OPRM1: variants seen among roughly 807,000 people sequenced by gnomAD.
OPRM1 encodes the protein mu-type opioid receptor.
A neutral mutation model predicts 31.8 loss-of-function variants in OPRM1; 27 were observed. The observed-to-expected ratio is 0.85, with a 90% CI of 0.63 to 1.17. The LOEUF (loss-of-function observed/expected upper bound fraction) is 1.17, where lower values mean the gene tolerates loss of function less well. OPRM1 is among the 50% of genes most tolerant of loss of function. The pLI is 0.00. For synonymous variants in OPRM1, 196 were observed against 189.9 expected (o/e 1.03, Z -0.26); for missense variants, 536 against 511.1 (o/e 1.05, Z -0.47).
chr6:154,132,984 G>A (rs914474346), downstream of OPRM1, among the ~76,000 whole-genome samples: 11 of 152,104 alleles, frequency 7.2e-5, no homozygotes, highest in Admixed American at 4.6e-4. Flanking sequence ...AGCCGGGCAT[G>A]GTGGCAGGCA....
chr6:154,210,137 T>C (rs1777847572), intron 3 of OPRM1, among the ~76,000 whole-genome samples: 1 of 152,210 alleles, frequency 6.6e-6, no homozygotes, highest in African/African-American at 2.4e-5. Flanking sequence ...GTTGCTTTTA[T>C]TTCACCAGGG....
At chr6:154,180,019 G>A (rs895218742) in intron 3 of OPRM1, among the ~76,000 whole-genome samples, 1 of 152,258 alleles carries the variant, frequency 6.6e-6, no homozygotes, top group East Asian at 1.9e-4. Flanking sequence ...TTCATGCAAT[G>A]CTAGCCTCAA....
intron 3 of OPRM1, among the ~76,000 whole-genome samples, chr6:154,220,058 G>A (rs1778739874): frequency 6.7e-6 from 1 of 148,874 alleles, no homozygotes; most frequent in Non-Finnish European, 1.5e-5. Context: ...AAAGGCAGTT[G>A]CTTTTTTTCT....
At position 154,121,880 on chromosome 6, in the gene OPRM1, G is replaced by C. The variant is rs753163585; in HGVS notation, c.*3159G>C. ...CTAAAAACAAGATCTTTTTGGTAAT[G>C]CTTCAATTAAATGTTTTATCTAAAT... On this transcript the variant is annotated 3_prime_UTR_variant, in exon 4 of 4. Coordinates refer to ENST00000330432, the MANE Select transcript of OPRM1 (RefSeq NM_000914.5). 6.6e-6 allele frequency among the ~76,000 whole-genome samples: 1 copy of C among 152,160 alleles called. No homozygotes were observed. The highest frequency in any genetic ancestry group is 1.5e-5 in the Non-Finnish European group (1 of 68,026).
chr6:154,231,059 A>C (rs1161879758), intron 3 of OPRM1, among the ~76,000 whole-genome samples: 1 of 152,194 alleles, frequency 6.6e-6, no homozygotes, highest in Middle Eastern at 3.2e-3. Flanking sequence ...GTTACTCCCC[A>C]AAACCCCCAG....
In OPRM1 at chr6:154,132,041, A is replaced by G. The variant is rs1467331488; in HGVS notation, c.*13320A>G. Among the ~76,000 whole-genome samples, 2 of 151,780 alleles carry G rather than the reference A, an allele frequency of 1.3e-5. No homozygotes were observed. The highest frequency in any genetic ancestry group is 2.9e-5 in the Non-Finnish European group (2 of 67,988). On this transcript the variant is annotated 3_prime_UTR_variant, in exon 4 of 4. Coordinates refer to ENST00000330432, the MANE Select transcript of OPRM1 (RefSeq NM_000914.5). ...CTTCATTTAAAGTAGAGACAAAGCT[A>G]CTATTTCACATTTCCAGGTAGGACA... is the stretch of plus-strand genomic sequence containing the variant.
Position 154,091,336 on chromosome 6 carries a change from A to G in OPRM1, c.1028A>G (p.Glu343Gly). The change falls in exon 3 of 4, where the codon GAA becomes GGA. Residue 343 changes from glutamate (E) to glycine (G), a missense_variant. Physicochemically the swap from Glu to Gly is moderately conservative, Grantham distance 98. Coordinates refer to ENST00000330432, the MANE Select transcript of OPRM1 (RefSeq NM_000914.5). ...CCAGTCCTTTATGCATTTCTGGATGAAAACTTCAAACGATGCTTCAGAGAG... is the reference window on the plus strand; with the variant it reads ...CCAGTCCTTTATGCATTTCTGGATGGAAACTTCAAACGATGCTTCAGAGAG... ...LNPVLYAFLD[E>G]NFKRCFREFC... 1 of 1,614,236 alleles carries G rather than the reference A, an allele frequency of 6.2e-7. No individual in the cohort carries two copies.
chr6:154,113,703 G>A (rs1026829365), intron 3 of OPRM1, among the ~76,000 whole-genome samples: 2 of 152,148 alleles, frequency 1.3e-5, no homozygotes, highest in Non-Finnish European at 2.9e-5. Context: ...GGACCAAGCA[G>A]GCCAACAGGA....
At chr6:154,034,197 T>C (rs1315431067), upstream of OPRM1, among the ~76,000 whole-genome samples, 1 of 152,242 alleles carries the variant, frequency 6.6e-6, no homozygotes, top group Non-Finnish European at 1.5e-5. Flanking sequence ...ATGTTGCCTG[T>C]TTGAGCTGTG....
intron 3 of OPRM1, chr6:154,108,289 G>A (rs1014331595): frequency 1.6e-5 from 5 of 315,612 alleles, no homozygotes; most frequent in African/African-American, 8.7e-5. Flanking sequence ...TCTTTAATCC[G>A]ACCTCTGACT....
chr6:154,224,290 CA>C (rs1410471626), intron 3 of OPRM1, among the ~76,000 whole-genome samples: 1 of 152,228 alleles, frequency 6.6e-6, no homozygotes, highest in Non-Finnish European at 1.5e-5. Context: ...AACTAGAGTG[CA>C]ACTTGCATTC....
Position 154,127,701 on chromosome 6 carries a change from TCC to T in OPRM1, c.*8981_*8982del. On this transcript the variant is annotated 3_prime_UTR_variant, in exon 4 of 4. Coordinates refer to ENST00000330432, the MANE Select transcript of OPRM1 (RefSeq NM_000914.5). The stretch of plus-strand genomic sequence containing the variant: ...GCCAGTCAGAATTCAATCTCCAATA[TCC>T]TGACTAGCACAAGAAATCCATAGGT... Among the ~76,000 whole-genome samples the T allele has an allele frequency of 6.6e-6, 1 of 152,174 alleles. No homozygotes were observed. Among genetic ancestry groups the T allele is most frequent in the African/African-American group, 2.4e-5 (1 of 41,438 alleles).
chr6:154,035,313 CTTAT>C (rs1396040955), upstream of OPRM1, among the ~76,000 whole-genome samples: 1 of 151,888 alleles, frequency 6.6e-6, no homozygotes, highest in Non-Finnish European at 1.5e-5. Context: ...CTTTCATTTA[CTTAT>C]TTATTTTTTT....
chr6:154,022,511 T>C (rs1339529458), intron 1 of OPRM1, among the ~76,000 whole-genome samples: 1 of 131,414 alleles, frequency 7.6e-6, no homozygotes, highest in Non-Finnish European at 1.6e-5. Flanking sequence ...GGTTGTCTCT[T>C]CAGTTTGTTG....
rs1797199711 is a variant in OPRM1 at position 154,119,733 on chromosome 6, A to G, written c.*1012A>G. 6.6e-6 allele frequency among the ~76,000 whole-genome samples: 1 copy of G among 152,204 alleles called. No homozygotes were observed. Among genetic ancestry groups the G allele is most frequent in the Admixed American group, 6.5e-5 (1 of 15,278 alleles). On this transcript the variant is annotated 3_prime_UTR_variant, in exon 4 of 4. Transcript: ENST00000330432. ...ACTTTTTTTAAACAATAAATCCAAT[A>G]AACATAATCTCAAGACAGACTCATA...
chr6:154,042,252 C>T (rs477292), intron 1 of OPRM1, among the ~76,000 whole-genome samples: 37,986 of 152,064 alleles, frequency 0.25, 5,195 homozygotes, highest in African/African-American at 0.34. Context: ...CATCTGGGGA[C>T]TGAAGCAAGT....
At chr6:154,037,756 TA>T (rs1024349518), upstream of OPRM1, among the ~76,000 whole-genome samples, 1 of 152,136 alleles carries the variant, frequency 6.6e-6, no homozygotes, top group African/African-American at 2.4e-5. Context: ...TCGCCTTTTT[TA>T]AGTAATGAGA....
intron 3 of OPRM1, chr6:154,094,211 T>C (rs1038382602): frequency 1.9e-5 from 25 of 1,286,504 alleles, no homozygotes; most frequent in African/African-American, 1.4e-4. Context: ...ATTCTGCAGA[T>C]CAGAGATCCA....
intron 1 of OPRM1, among the ~76,000 whole-genome samples, chr6:154,089,063 T>G (rs1297103205): frequency 6.6e-6 from 1 of 152,212 alleles, no homozygotes; most frequent in Non-Finnish European, 1.5e-5. Context: ...GTGAGATGCC[T>G]CATCTCTGTG....
Sources: allele counts gnomAD v4.1 joint callset (sites outside exome capture counted in the v4.1 genomes callset), GRCh38; gene constraint gnomAD v4.1.1; transcripts MANE v1.5; gene names NCBI Gene and HGNC (gene_info 2026-07-23, HGNC 2026-07-21).